Variants in POC1B observed in about 807,000 individuals in gnomAD.
The protein encoded by POC1B is POC1 centriolar protein B.
POC1B carries 44 observed loss-of-function variants against 60.6 expected under a neutral mutation model. That is an observed-to-expected ratio of 0.73 (90% CI 0.57 to 0.93). The LOEUF (loss-of-function observed/expected upper bound fraction) is 0.93, where lower values mean the gene tolerates loss of function less well. Ranked by LOEUF, POC1B falls within the 40% of genes least tolerant of loss-of-function variation. The probability of loss-of-function intolerance (pLI) is 0.00; values close to 1 mark genes in which losing one functional copy is unlikely to be tolerated. For missense variants in POC1B, 555 were observed against 572.3 expected (o/e 0.97, Z 0.31); for synonymous variants, 180 against 198.9 (o/e 0.90, Z 0.80).
chr12:89,525,223 A>G lies in POC1B; in HGVS notation c.16-19T>C. On this transcript the variant is annotated intron_variant, in intron 1 of 11. Coordinates refer to ENST00000313546, the MANE Select transcript of POC1B (RefSeq NM_172240.3). ...GGTCCTCCTGGAAAGGAAAGTTGTC[A>G]AGTTTTGAAAGCCGCCGCAGACCTC... 1 of 1,596,598 alleles carries G rather than the reference A, an allele frequency of 6.3e-7. No homozygotes were observed. The highest frequency in any genetic ancestry group is 8.5e-7 in the Non-Finnish European group (1 of 1,171,384).
the POC1B span, among the ~76,000 whole-genome samples, chr12:89,409,086 T>A: frequency 2.0e-5 from 3 of 152,234 alleles, no homozygotes; most frequent in East Asian, 1.9e-4. Context: ...TTCACTCTGA[T>A]GGTAGTTCCT....
At chr12:89,522,980 G>C in intron 2 of POC1B, 1 of 1,613,962 alleles carries the variant, frequency 6.2e-7, no homozygotes, top group Non-Finnish European at 8.5e-7. Context: ...GCTGGTACAG[G>C]GAACCCATCT....
intron 3 of POC1B, among the ~76,000 whole-genome samples, chr12:89,493,185 C>G (rs1378789432): frequency 6.6e-6 from 1 of 152,140 alleles, no homozygotes; most frequent in African/African-American, 2.4e-5. Context: ...ATCCCCAGAC[C>G]CCCTTGGCCA....
chr12:89,409,669 A>G, the POC1B span, among the ~76,000 whole-genome samples: 1 of 152,276 alleles, frequency 6.6e-6, no homozygotes. Flanking sequence ...AGAGAATACT[A>G]TAAACACCTC....
chr12:89,525,679 G>T (rs913588923), intron 1 of POC1B: 16 of 1,245,456 alleles, frequency 1.3e-5, no homozygotes, highest in Non-Finnish European at 1.4e-5. Context: ...AAGAGCGTCC[G>T]GGAGCCGGGT....
chr12:89,477,110 T>G (rs994046105), intron 4 of POC1B, among the ~76,000 whole-genome samples: 1 of 151,986 alleles, frequency 6.6e-6, no homozygotes, highest in Non-Finnish European at 1.5e-5. Flanking sequence ...AATGAAGGAG[T>G]CTGGATTGAA....
chr12:89,455,039 T>A (rs1882196999), intron 10 of POC1B, among the ~76,000 whole-genome samples: 1 of 150,286 alleles, frequency 6.7e-6, no homozygotes, highest in African/African-American at 2.5e-5. Context: ...CAACTACTTA[T>A]ACCTCGCTTT....
At chr12:89,405,445 C>T in the POC1B span, among the ~76,000 whole-genome samples, 48 of 152,130 alleles carry the variant, frequency 3.2e-4, no homozygotes, top group Non-Finnish European at 3.5e-4. Context: ...GAGTTCAAGA[C>T]CAGCCTGGCC....
chr12:89,514,104 C>T (rs1434756188), intron 2 of POC1B, among the ~76,000 whole-genome samples: 1 of 152,160 alleles, frequency 6.6e-6, no homozygotes, highest in East Asian at 1.9e-4. Flanking sequence ...GAATTGTAAT[C>T]CCCAGTGTTG....
chr12:89,448,031 T>C (rs759128532), intron 10 of POC1B, among the ~76,000 whole-genome samples: 4 of 152,162 alleles, frequency 2.6e-5, no homozygotes, highest in Non-Finnish European at 5.9e-5. Context: ...GCCTGGATTC[T>C]GCCTACAGCC....
chr12:89,524,022 C>A (rs371149434), intron 2 of POC1B: 29 of 1,613,440 alleles, frequency 1.8e-5, no homozygotes, highest in Non-Finnish European at 2.4e-5. Flanking sequence ...CTCTGTCACT[C>A]AAGTCATCCA....
rs1368519371 is a variant in POC1B, at chr12:89,458,123, CTATGA to C, written c.1113+1510_1113+1514del. Among the ~76,000 whole-genome samples the C allele has an allele frequency of 2.6e-5, 4 of 152,256 alleles. No individual in the cohort carries two copies. In the East Asian group the frequency reaches 7.7e-4, roughly 29 times the overall value. On this transcript the variant is annotated intron_variant, in intron 10 of 11. Transcript: ENST00000313546. ...AGGTGGACCAAAGATTTTTAATGAT[CTATGA>C]TATTTTCTAGGCCAGAAATGTGCAA...
intron 10 of POC1B, among the ~76,000 whole-genome samples, chr12:89,446,653 T>C (rs1328325794): frequency 6.6e-6 from 1 of 151,356 alleles, no homozygotes; most frequent in African/African-American, 2.4e-5. Flanking sequence ...CTAATGTAAA[T>C]GACGAGTTAA....
At chr12:89,456,822 C>T (rs1050936580) in intron 10 of POC1B, among the ~76,000 whole-genome samples, 1 of 152,118 alleles carries the variant, frequency 6.6e-6, no homozygotes, top group South Asian at 2.1e-4. Flanking sequence ...GACATCAGAG[C>T]ACAGATATCA....
In POC1B at chr12:89,481,802, C is replaced by G. The variant is rs75805020; in HGVS notation, c.453-9527G>C. On this transcript the variant is annotated intron_variant, in intron 4 of 11. Transcript: ENST00000313546. Reference sequence around the variant, plus strand: ...TACACAGAACTGAGAGATGCTCAAGCTCTGACCAGCCTTTTCTGAATACTC... The same window carrying G: ...TACACAGAACTGAGAGATGCTCAAGGTCTGACCAGCCTTTTCTGAATACTC... 3.8e-3 allele frequency among the ~76,000 whole-genome samples: 577 copies of G among 152,282 alleles called. 26 individuals carry two copies. The East Asian group carries it at 0.094, about 25-fold the overall frequency.
intron 3 of POC1B, among the ~76,000 whole-genome samples, chr12:89,495,462 C>G (rs902155124): frequency 6.6e-6 from 1 of 152,190 alleles, no homozygotes; most frequent in Non-Finnish European, 1.5e-5. Flanking sequence ...TAGAGTTCCC[C>G]TTGGGTGGTG....
intron 4 of POC1B, among the ~76,000 whole-genome samples, chr12:89,478,189 G>A (rs1421099779): frequency 1.3e-5 from 2 of 151,998 alleles, no homozygotes; most frequent in African/African-American, 2.4e-5. Context: ...AGCTCACTGC[G>A]ACCTCCGCCT....
At chr12:89,464,128 T>C (rs1243280917) in intron 9 of POC1B, among the ~76,000 whole-genome samples, 1 of 152,248 alleles carries the variant, frequency 6.6e-6, no homozygotes, top group Non-Finnish European at 1.5e-5. Context: ...ATAAGATGTT[T>C]ATTTTCCTTA....
At chr12:89,525,493 C>T in intron 1 of POC1B, 1 of 1,314,564 alleles carries the variant, frequency 7.6e-7, no homozygotes, top group Non-Finnish European at 9.6e-7. Context: ...TGCACGTTCC[C>T]GGGCCCCGCC....
Sources: gnomAD v4.1 joint callset for allele counts (sites outside exome capture counted in the v4.1 genomes callset) on GRCh38, gnomAD v4.1.1 for gene constraint, MANE v1.5 for transcripts, NCBI Gene and HGNC (gene_info 2026-07-23, HGNC 2026-07-21) for gene names.